DNAH11: variants seen among roughly 807,000 people sequenced by gnomAD.
The protein encoded by DNAH11 is dynein axonemal heavy chain 11.
DNAH11 carries 442 observed loss-of-function variants against 526.0 expected under a neutral mutation model. The ratio of observed to expected loss-of-function variants is 0.84; its 90% CI spans 0.78 to 0.91. The LOEUF is 0.91. DNAH11 is among the 40% of genes least tolerant of loss of function. The pLI, the probability that DNAH11 is intolerant of heterozygous loss-of-function variation, is 0.00. For synonymous variants in DNAH11, 2,461 were observed against 1,935.9 expected (o/e 1.27, Z -7.12); for missense variants, 6,989 against 5,448.7 (o/e 1.28, Z -8.90).
chr7:21,773,963 G>A lies in DNAH11; in HGVS notation c.9300G>A (p.Val3100=), dbSNP rs889713685. 8 of 1,578,018 alleles carry A rather than the reference G, an allele frequency of 5.1e-6. No homozygotes were observed. Among genetic ancestry groups the A allele is most frequent in the Non-Finnish European group, 6.9e-6 (8 of 1,162,246 alleles). The part of the protein sequence containing the change: ...NEVSEKKERL[V]NGIQKLKTTA... Reference sequence around the variant, plus strand: ...TATCCGAGAAAAAAGAACGCCTGGTGAACGGCATCCAAAAGCTAAAAACCA... The same window carrying A: ...TATCCGAGAAAAAAGAACGCCTGGTAAACGGCATCCAAAAGCTAAAAACCA... The change falls in exon 56 of 82, where the codon GTG becomes GTA. Residue 3100 remains valine, a synonymous_variant. Transcript: ENST00000409508.
At chr7:21,674,925 C>G (rs1057222733) in intron 30 of DNAH11, among the ~76,000 whole-genome samples, 11 of 152,188 alleles carry the variant, frequency 7.2e-5, no homozygotes, top group Non-Finnish European at 1.5e-4. Context: ...CTTGACTCTT[C>G]TTTTCCTCAA....
Position 21,583,742 on chromosome 7 carries a change from AAAC to A in DNAH11, c.1710+1725_1710+1727del, listed in dbSNP as rs544745321. On this transcript the variant is annotated intron_variant, in intron 9 of 81. Coordinates refer to ENST00000409508, the MANE Select transcript of DNAH11 (RefSeq NM_001277115.2). ...GAACTTAAACAAATTTACAAGAAAA[AAAC>A]AACCCCATCAAAAAGTGGGCGAAAG... Among the ~76,000 whole-genome samples, 744 of 152,278 alleles carry A rather than the reference AAAC, an allele frequency of 4.9e-3. 3 individuals carry two copies. The highest frequency in any genetic ancestry group is 0.017 in the Middle Eastern group (5 of 294).
At chr7:21,733,984 G>A (rs1251409408) in intron 45 of DNAH11, among the ~76,000 whole-genome samples, 2 of 152,120 alleles carry the variant, frequency 1.3e-5, no homozygotes, top group African/African-American at 4.8e-5. Context: ...TTTTAAAACT[G>A]GGAAATCCTG....
rs1783389115 is a variant in DNAH11 at position 21,868,889 on chromosome 7, C to G, written c.11865C>G (p.Asp3955Glu). Reference protein sequence around the residue: ...ILGKRLGFTIDSGKFHNVSLG... With the variant: ...ILGKRLGFTIESGKFHNVSLG... ...GCAAAAGACTTGGCTTTACAATTGA[C>G]TCTGGAAAATTCCACAATGTGTCTT... Residue 3955 changes from aspartate to glutamate, a missense_variant, in exon 73 of 82, where the codon GAC becomes GAG. By Grantham distance (45) the Asp-to-Glu change is conservative. Transcript: ENST00000409508. The G allele has an allele frequency of 1.9e-6, 3 of 1,613,884 alleles. No homozygotes were observed. The highest frequency in any genetic ancestry group is 3.3e-5 in the Admixed American group (2 of 60,004).
At chr7:21,734,151 C>G (rs1583640913) in intron 45 of DNAH11, among the ~76,000 whole-genome samples, 1 of 152,192 alleles carries the variant, frequency 6.6e-6, no homozygotes, top group African/African-American at 2.4e-5. Flanking sequence ...AGTACTGCCA[C>G]TTACTAGTAG....
chr7:21,735,899 G>C, intron 46 of DNAH11, 55 bp downstream of exon 46: 1 of 1,496,118 alleles, frequency 6.7e-7, no homozygotes, highest in African/African-American at 1.4e-5. Flanking sequence ...ATCAAGGCGG[G>C]CACATGCAGC....
chr7:21,849,627 A>G (rs1055947711), intron 66 of DNAH11, among the ~76,000 whole-genome samples: 4 of 152,226 alleles, frequency 2.6e-5, no homozygotes, highest in Non-Finnish European at 5.9e-5. Flanking sequence ...AACATTTTAA[A>G]TATTTTACTC....
chr7:21,713,726 G>A (rs1019171486), intron 42 of DNAH11, among the ~76,000 whole-genome samples: 3 of 152,138 alleles, frequency 2.0e-5, no homozygotes, highest in Admixed American at 6.5e-5. Context: ...CCTTTCCTGT[G>A]TGTACTGACA....
At chr7:21,615,953 A>G (rs1785757569) in intron 21 of DNAH11, among the ~76,000 whole-genome samples, 1 of 152,204 alleles carries the variant, frequency 6.6e-6, no homozygotes, top group Non-Finnish European at 1.5e-5. Flanking sequence ...TTAAGTGATA[A>G]TGATGGTATG....
chr7:21,696,743 C>G (rs569568913), intron 35 of DNAH11, among the ~76,000 whole-genome samples: 1 of 151,840 alleles, frequency 6.6e-6, no homozygotes, highest in East Asian at 1.9e-4. Flanking sequence ...ATGAGGCCTA[C>G]AGCATGTGCT....
intron 79 of DNAH11, among the ~76,000 whole-genome samples, chr7:21,897,637 A>G (rs950590797): frequency 3.1e-4 from 47 of 150,690 alleles, no homozygotes; most frequent in African/African-American, 1.1e-3. Context: ...TTTTTTTTTG[A>G]GAGATTCTCA....
chr7:21,632,758 C>G (rs1786675010), intron 25 of DNAH11, among the ~76,000 whole-genome samples: 1 of 152,180 alleles, frequency 6.6e-6, no homozygotes, highest in African/African-American at 2.4e-5. Flanking sequence ...AACTTTCCCA[C>G]ATTTTCCTGT....
At chr7:21,570,909 T>C (rs1037366237) in intron 7 of DNAH11, among the ~76,000 whole-genome samples, 13 of 152,030 alleles carry the variant, frequency 8.6e-5, no homozygotes, top group African/African-American at 3.1e-4. Flanking sequence ...AAGTTTAAAT[T>C]GATGACACTG....
chr7:21,738,700 G>T lies in DNAH11; in HGVS notation c.7646-1G>T, dbSNP rs1327282449. The T allele has an allele frequency of 1.9e-6, 3 of 1,563,650 alleles. No homozygotes were observed. Among genetic ancestry groups the T allele is most frequent in the Non-Finnish European group, 2.6e-6 (3 of 1,155,442 alleles). On this transcript the variant is annotated splice_acceptor_variant, in intron 46 of 81. Coordinates refer to ENST00000409508, the MANE Select transcript of DNAH11 (RefSeq NM_001277115.2). LOFTEE classifies it high-confidence loss of function. ...TGGACAGAAATATATGTTTATTTCA[G>T]AAATTCTTGAGAAACCCCTAGAGAA...
intron 76 of DNAH11, among the ~76,000 whole-genome samples, chr7:21,885,993 C>G (rs76195150): frequency 6.6e-6 from 1 of 152,158 alleles, no homozygotes; most frequent in African/African-American, 2.4e-5. Context: ...TTCTCATGCT[C>G]TCTCTCCCTC....
In DNAH11 at chr7:21,854,261, C is replaced by T. The variant is rs576808653; in HGVS notation, c.11062-54C>T. The T allele has an allele frequency of 9.7e-4, 1,536 of 1,581,916 alleles. 1 individual carries two copies. The highest frequency in any genetic ancestry group is 1.2e-3 in the Non-Finnish European group (1,400 of 1,162,670). On this transcript the variant is annotated intron_variant, in intron 67 of 81. Coordinates refer to ENST00000409508, the MANE Select transcript of DNAH11 (RefSeq NM_001277115.2). ...TACGTCCTTCCATTCCTTGGATATG[C>T]GTAGAGAATATGAAGAGTAAATAAG...
intron 79 of DNAH11, among the ~76,000 whole-genome samples, chr7:21,895,977 C>A (rs186129646): frequency 6.1e-4 from 93 of 152,308 alleles, no homozygotes; most frequent in Non-Finnish European, 7.1e-4. Flanking sequence ...GATCTGCCCG[C>A]CTCAGCCTCC....
chr7:21,607,540 T>C (rs1392244006), intron 20 of DNAH11, among the ~76,000 whole-genome samples: 8 of 152,202 alleles, frequency 5.3e-5, no homozygotes, highest in Non-Finnish European at 1.2e-4. Context: ...CCTTACTATA[T>C]GTCAAGAATT....
chr7:21,720,968 G>T, intron 44 of DNAH11, 112 bp downstream of exon 44: 4 of 1,331,240 alleles, frequency 3.0e-6, no homozygotes, highest in Non-Finnish European at 4.0e-6. Flanking sequence ...GATCTATACT[G>T]CTTGCCCTGT....
Sources: allele counts gnomAD v4.1 joint callset (sites outside exome capture counted in the v4.1 genomes callset), GRCh38; gene constraint gnomAD v4.1.1; transcripts MANE v1.5; gene names NCBI Gene and HGNC (gene_info 2026-07-23, HGNC 2026-07-21).